The following TM9SF2 variants were observed in gnomAD, a reference collection of about 807,000 sequenced individuals.
TM9SF2 encodes 76 kDa membrane protein.
TM9SF2 carries 13 observed loss-of-function variants against 84.9 expected under a neutral mutation model. The observed-to-expected ratio is 0.15, with a 90% CI of 0.10 to 0.24. TM9SF2 has a LOEUF of 0.24. Ranked by LOEUF, TM9SF2 falls within the 10% of genes least tolerant of loss-of-function variation. TM9SF2 has a pLI of 1.00. For missense variants in TM9SF2, 562 were observed against 818.5 expected (o/e 0.69, Z 3.82); for synonymous variants, 273 against 285.8 (o/e 0.96, Z 0.45).
chr13:99,552,293 G>A lies in TM9SF2; in HGVS notation c.1455G>A (p.Thr485=), dbSNP rs112487641. 182 of 1,613,948 alleles carry A rather than the reference G, an allele frequency of 1.1e-4. 3 individuals carry two copies. The African/African-American group carries it at 1.1e-3, about 10-fold the overall frequency. The change falls in exon 13 of 17, where the codon ACG becomes ACA. Residue 485 remains threonine (T), a synonymous_variant. Transcript: ENST00000376387. ...GGTTCTGCATATCTGTGCCTCTGAC[G>A]TTTATTGGTGCATACTTTGGTTTTA... The part of the protein sequence containing the change: ...ALWFCISVPL[T]FIGAYFGFKK...
At chr13:99,514,087 A>C (rs986701569) in intron 1 of TM9SF2, 1 of 152,252 alleles carries the variant, frequency 6.6e-6, no homozygotes. Flanking sequence ...TTGGTCAACG[A>C]CAGACCAGTG....
chr13:99,520,525 G>A (rs1016843856), intron 3 of TM9SF2, among the ~76,000 whole-genome samples: 2 of 152,084 alleles, frequency 1.3e-5, no homozygotes, highest in African/African-American at 4.8e-5. Flanking sequence ...CCGTTAGCAC[G>A]TACAATGCTG....
intron 11 of TM9SF2, among the ~76,000 whole-genome samples, chr13:99,547,600 TGGAAA>T (rs547639500): frequency 1.2e-3 from 190 of 152,342 alleles, no homozygotes; most frequent in African/African-American, 4.5e-3. Context: ...TTTGGAGACC[TGGAAA>T]GTTACTTTTG....
intron 2 of TM9SF2, among the ~76,000 whole-genome samples, chr13:99,518,356 C>T (rs2046143853): frequency 6.6e-6 from 1 of 152,190 alleles, no homozygotes; most frequent in Non-Finnish European, 1.5e-5. Flanking sequence ...AATGATTCAC[C>T]CACCTTGGCC....
rs1363898605 is a variant in TM9SF2 at position 99,501,658 on chromosome 13, C to G, written c.52C>G (p.Leu18Val). 9.9e-6 allele frequency: 16 copies of G among 1,613,128 alleles called. No individual in the cohort carries two copies. Among genetic ancestry groups the G allele is most frequent in the Non-Finnish European group, 1.4e-5 (16 of 1,179,734 alleles). Residue 18 changes from leucine to valine, a missense_variant, in exon 1 of 17, where the codon CTG becomes GTG. Physicochemically the swap from Leu to Val is conservative, Grantham distance 32. This residue lies in a region of TM9SF2 where 267 missense variants were observed against 316.7 expected (regional missense o/e 0.84). Transcript: ENST00000376387. ...LSPPRWPRLL[L>V]LSLLLLGAVP... ...TCCACCTCGGTGGCCGCGGCTGTTGCTGCTGTCGCTGCTCCTGCTGGGGGC... is the reference window on the plus strand; with the variant it reads ...TCCACCTCGGTGGCCGCGGCTGTTGGTGCTGTCGCTGCTCCTGCTGGGGGC...
At chr13:99,526,256 C>T (rs2046182985) in intron 3 of TM9SF2, among the ~76,000 whole-genome samples, 1 of 152,252 alleles carries the variant, frequency 6.6e-6, no homozygotes, top group Non-Finnish European at 1.5e-5. Flanking sequence ...TTTGAAGTAA[C>T]AGCAGCCAGC....
intron 1 of TM9SF2, among the ~76,000 whole-genome samples, chr13:99,510,994 T>G (rs1056992158): frequency 2.0e-5 from 3 of 152,216 alleles, no homozygotes; most frequent in Non-Finnish European, 4.4e-5. Context: ...TCTACTATTT[T>G]TTTCCTATTT....
chr13:99,530,842 A>AT (rs2046205346), intron 4 of TM9SF2, among the ~76,000 whole-genome samples: 1 of 151,460 alleles, frequency 6.6e-6, no homozygotes, highest in African/African-American at 2.4e-5. Context: ...TATACTTATT[A>AT]TACAATATTC....
chr13:99,544,073 C>T (rs1196410093), intron 10 of TM9SF2, 78 bp downstream of exon 10: 19 of 1,530,378 alleles, frequency 1.2e-5, no homozygotes, highest in South Asian at 3.6e-5. Context: ...TTTTTCTGGC[C>T]GGGCATGGTG....
At chr13:99,547,717 A>G (rs1012286593) in intron 11 of TM9SF2, among the ~76,000 whole-genome samples, 2 of 152,176 alleles carry the variant, frequency 1.3e-5, no homozygotes, top group African/African-American at 4.8e-5. Context: ...CTGAGATGGG[A>G]CTGGATGGCT....
At chr13:99,534,305 AC>A (rs1963381256) in intron 4 of TM9SF2, among the ~76,000 whole-genome samples, 2 of 152,342 alleles carry the variant, frequency 1.3e-5, no homozygotes, top group South Asian at 4.1e-4. Context: ...CCCAGATCCC[AC>A]CAAGTTAGCA....
At chr13:99,515,969 T>G (rs1238765556) in intron 1 of TM9SF2, among the ~76,000 whole-genome samples, 1 of 152,144 alleles carries the variant, frequency 6.6e-6, no homozygotes, top group African/African-American at 2.4e-5. Flanking sequence ...TGACCTCAGG[T>G]GATCCGCCCG....
In TM9SF2 at chr13:99,501,557, T is replaced by A; in HGVS notation, c.-50T>A. ...CGTCTCCGAGACTCCCCACCCCTCC[T>A]TCCCTCTTGACCCCCTAGGTTTGAT... is the stretch of plus-strand genomic sequence containing the variant. On this transcript the variant is annotated 5_prime_UTR_variant, in exon 1 of 17. Transcript: ENST00000376387. The A allele has an allele frequency of 1.3e-6, 2 of 1,548,004 alleles. No homozygotes were observed. The highest frequency in any genetic ancestry group is 1.4e-5 in the African/African-American group (1 of 72,374).
intron 4 of TM9SF2, 56 bp downstream of exon 4, chr13:99,529,650 T>C: frequency 7.0e-7 from 1 of 1,428,052 alleles, no homozygotes; most frequent in Non-Finnish European, 9.2e-7. Flanking sequence ...GAAATCTTTG[T>C]TGCTTTGACT....
At position 99,562,593 on chromosome 13, in the gene TM9SF2, C is replaced by T. The variant is rs41280154; in HGVS notation, c.1925-98C>T. ...CGGTGGGTAATAGTTTATAGTTTTGCGACTTTTTTAAGGAACCAGTCATTG... is the reference window on the plus strand; with the variant it reads ...CGGTGGGTAATAGTTTATAGTTTTGTGACTTTTTTAAGGAACCAGTCATTG... On this transcript the variant is annotated intron_variant, in intron 16 of 16. Transcript: ENST00000376387. 9.5e-4 allele frequency: 1,131 copies of T among 1,188,496 alleles called. 1 individual carries two copies. The highest frequency in any genetic ancestry group is 1.2e-3 in the Admixed American group (58 of 46,784). The allele number at this position is 1,188,496 out of a possible 1,614,324, so 73.6% of individuals were successfully genotyped here. A position where few individuals can be genotyped will look rare whatever the true frequency, so the allele number is the denominator to read the frequency against.
At chr13:99,555,999 CA>C (rs560075144) in intron 15 of TM9SF2, among the ~76,000 whole-genome samples, 3 of 151,322 alleles carry the variant, frequency 2.0e-5, no homozygotes, top group Non-Finnish European at 4.4e-5. Flanking sequence ...TTAAAAAATA[CA>C]AAAAAAATTT....
Position 99,540,778 on chromosome 13 carries a change from A to C in TM9SF2, c.893A>C (p.His298Pro). The stretch of plus-strand genomic sequence containing the variant: ...ATTCTGGAGTCTATGCCTCATACCC[A>C]CATTCAGTGGTTTAGGTAAGAGTAC... ...DYILESMPHT[H>P]IQWFSIMNSL... Residue 298 changes from histidine (H) to proline (P), a missense_variant, in exon 8 of 17, where the codon CAC becomes CCC. Transcript: ENST00000376387. The C allele has an allele frequency of 6.2e-7, 1 of 1,613,734 alleles. No homozygotes were observed. Among genetic ancestry groups the C allele is most frequent in the Non-Finnish European group, 8.5e-7 (1 of 1,179,792 alleles).
At chr13:99,515,963 C>G (rs1019784668) in intron 1 of TM9SF2, among the ~76,000 whole-genome samples, 4 of 152,118 alleles carry the variant, frequency 2.6e-5, no homozygotes, top group Non-Finnish European at 4.4e-5. Context: ...ATCTCCTGAC[C>G]TCAGGTGATC....
intron 16 of TM9SF2, among the ~76,000 whole-genome samples, chr13:99,562,487 G>A (rs2046348417): frequency 6.6e-6 from 1 of 152,038 alleles, no homozygotes; most frequent in African/African-American, 2.4e-5. Flanking sequence ...GTAGAAAAAA[G>A]TTCTACCAAT....
Sources: allele counts gnomAD v4.1 joint callset (sites outside exome capture counted in the v4.1 genomes callset), GRCh38; gene constraint gnomAD v4.1.1; regional missense constraint gnomAD v4.1.1; transcripts MANE v1.5; gene names NCBI Gene and HGNC (gene_info 2026-07-23, HGNC 2026-07-21).